The following LTBP1 variants were observed in gnomAD, a reference collection of about 807,000 sequenced individuals.
LTBP1 encodes latent-transforming growth factor beta-binding protein 1.
A neutral mutation model predicts 207.6 loss-of-function variants in LTBP1; 129 were observed. The ratio of observed to expected loss-of-function variants is 0.62; its 90% CI spans 0.54 to 0.72. The LOEUF is 0.72. Ranked by LOEUF, LTBP1 falls within the 30% of genes least tolerant of loss-of-function variation. The pLI is 0.00. For missense variants in LTBP1, 2,281 were observed against 2,217.2 expected (o/e 1.03, Z -0.58); for synonymous variants, 963 against 833.7 (o/e 1.16, Z -2.67).
At chr2:33,009,661 AG>A (rs1687401518) in intron 2 of LTBP1, among the ~76,000 whole-genome samples, 2 of 152,208 alleles carry the variant, frequency 1.3e-5, no homozygotes, top group Non-Finnish European at 2.9e-5. Flanking sequence ...TCAGATTTCC[AG>A]CCTCCAGAAC....
chr2:33,240,532 A>T (rs1352557356), intron 9 of LTBP1, among the ~76,000 whole-genome samples: 1 of 152,184 alleles, frequency 6.6e-6, no homozygotes, highest in African/African-American at 2.4e-5. Context: ...CTTAATAATT[A>T]GAAATGTCTT....
At chr2:33,317,047 T>C (rs1332407293) in intron 24 of LTBP1, among the ~76,000 whole-genome samples, 1 of 152,234 alleles carries the variant, frequency 6.6e-6, no homozygotes, top group Admixed American at 6.5e-5. Flanking sequence ...AACATAAATA[T>C]ATTCACAATT....
Position 33,280,075 on chromosome 2 carries a change from A to G in LTBP1, c.3029A>G (p.Asp1010Gly). 1 of 1,614,138 alleles carries G rather than the reference A, an allele frequency of 6.2e-7. No homozygotes were observed. The highest frequency in any genetic ancestry group is 8.5e-7 in the Non-Finnish European group (1 of 1,179,986). Residue 1010 changes from aspartate (D) to glycine (G), a missense_variant, in exon 19 of 34, where the codon GAT becomes GGT. This residue lies in a region of LTBP1 where 1,671 missense variants were observed against 1,634.8 expected (regional missense o/e 1.02). Transcript: ENST00000404816. ...TGTTTGAATCCAAGCACTTGTCCAGATGAGCAGTGTGTGAATTCTCCTGGA... is the reference window on the plus strand; with the variant it reads ...TGTTTGAATCCAAGCACTTGTCCAGGTGAGCAGTGTGTGAATTCTCCTGGA... ...DECLNPSTCP[D>G]EQCVNSPGSY...
At chr2:33,224,930 A>G (rs2091347597) in intron 9 of LTBP1, among the ~76,000 whole-genome samples, 1 of 151,800 alleles carries the variant, frequency 6.6e-6, no homozygotes, top group East Asian at 1.9e-4. Context: ...CTTTTCCTCT[A>G]CCTTTTTGTT....
At chr2:33,074,290 A>G (rs1005666096) in intron 3 of LTBP1, among the ~76,000 whole-genome samples, 4 of 152,150 alleles carry the variant, frequency 2.6e-5, no homozygotes, top group African/African-American at 9.7e-5. Context: ...AGCAATGATT[A>G]TTTTGCCACC....
chr2:33,348,968 A>G lies in LTBP1; in HGVS notation c.4000+1458A>G, dbSNP rs563344064. Among the ~76,000 whole-genome samples the G allele has an allele frequency of 5.3e-5, 8 of 152,286 alleles. No homozygotes were observed. The East Asian group carries it at 1.2e-3, about 22-fold the overall frequency. On this transcript the variant is annotated intron_variant, in intron 26 of 33. Coordinates refer to ENST00000404816, the MANE Select transcript of LTBP1 (RefSeq NM_206943.4). ...TATGGAGTCTTAAGACTGTCTTATGACAGTCTTCATTTTTAAAAAATTTTC... is the reference window on the plus strand; with the variant it reads ...TATGGAGTCTTAAGACTGTCTTATGGCAGTCTTCATTTTTAAAAAATTTTC...
chr2:32,998,285 A>G (rs1685587099), intron 2 of LTBP1, among the ~76,000 whole-genome samples: 2 of 152,074 alleles, frequency 1.3e-5, no homozygotes, highest in Non-Finnish European at 2.9e-5. Context: ...TGGGAGGCTG[A>G]GGTGGGCAGA....
In LTBP1 at chr2:33,275,821, C is replaced by T. The variant is rs987024083; in HGVS notation, c.2890C>T (p.Pro964Ser). 6 of 1,613,884 alleles carry T rather than the reference C, an allele frequency of 3.7e-6. No homozygotes were observed. Among genetic ancestry groups the T allele is most frequent in the Non-Finnish European group, 4.2e-6 (5 of 1,179,972 alleles). The change falls in exon 18 of 34, where the codon CCG becomes TCG. Residue 964 changes from proline to serine, a missense_variant. By Grantham distance (74) the Pro-to-Ser change is moderately conservative (BLOSUM62 -1). Transcript: ENST00000404816. ...CGTAGATGTTGACGAATGCCTGAGG[C>T]CGGACGTCTGTGGGGAGGGGCACTG... ...NCIDVDECLR[P>S]DVCGEGHCVN...
intron 3 of LTBP1, chr2:33,056,387 G>A: frequency 7.9e-7 from 1 of 1,261,296 alleles, no homozygotes; most frequent in Non-Finnish European, 1.0e-6. Context: ...GAATGGCCTG[G>A]ATGTTAGGCA....
At chr2:32,958,409 T>G (rs1479842642) in intron 2 of LTBP1, among the ~76,000 whole-genome samples, 2 of 152,180 alleles carry the variant, frequency 1.3e-5, no homozygotes, top group African/African-American at 2.4e-5. Context: ...TCTAAGATCC[T>G]TGGGGGCTGA....
In LTBP1 at chr2:33,259,923, ACCTGATGG is replaced by A. The variant is rs2092965727; in HGVS notation, c.2418+318_2418+325del. Among the ~76,000 whole-genome samples the A allele has an allele frequency of 5.3e-5, 8 of 152,328 alleles. 1 individual carries two copies. The highest frequency in any genetic ancestry group is 1.9e-4 in the African/African-American group (8 of 41,582). On this transcript the variant is annotated intron_variant, in intron 13 of 33. Transcript: ENST00000404816. ...AAGGGCATAAATAGAATTCAATGTC[ACCTGATGG>A]CCTGGACCATCTGTGAAAGAAAGGC... is the stretch of plus-strand genomic sequence containing the variant.
Position 32,948,946 on chromosome 2 carries a change from G to C in LTBP1, c.565+1G>C, listed in dbSNP as rs149392195. 2 of 1,614,122 alleles carry C rather than the reference G, an allele frequency of 1.2e-6. No homozygotes were observed. Among genetic ancestry groups the C allele is most frequent in the Admixed American group, 1.7e-5 (1 of 60,020 alleles). On this transcript the variant is annotated splice_donor_variant, in intron 2 of 33. Transcript: ENST00000404816. LOFTEE classifies it high-confidence loss of function. ...CCTGGCTCCCAGAGGTGCACCAAAC[G>C]TAAGTTGCCATGTTCACAGTGGCCC...
At chr2:33,248,187 C>A (rs2092570662) in intron 10 of LTBP1, among the ~76,000 whole-genome samples, 2 of 152,178 alleles carry the variant, frequency 1.3e-5, no homozygotes, top group Non-Finnish European at 2.9e-5. Flanking sequence ...TAAACAAAAA[C>A]CATGACAATA....
chr2:33,298,925 T>C (rs1573698881), intron 20 of LTBP1, among the ~76,000 whole-genome samples: 1 of 152,372 alleles, frequency 6.6e-6, no homozygotes, highest in African/African-American at 2.4e-5. Context: ...GATAACCTGA[T>C]ACTTTGCTTA....
At chr2:32,998,502 G>T (rs1466370663) in intron 2 of LTBP1, among the ~76,000 whole-genome samples, 3 of 104,818 alleles carry the variant, frequency 2.9e-5, no homozygotes, top group Non-Finnish European at 5.2e-5. Flanking sequence ...AACAGAGTGA[G>T]ACTCCATCTT....
At chr2:33,220,668 C>T (rs1251475411) in intron 8 of LTBP1, among the ~76,000 whole-genome samples, 6 of 152,176 alleles carry the variant, frequency 3.9e-5, no homozygotes, top group African/African-American at 1.4e-4. Context: ...AGTTCATATC[C>T]ATCTCTTTTG....
chr2:32,954,524 A>G lies in LTBP1; in HGVS notation c.565+5579A>G, dbSNP rs1225534903. 2.0e-5 allele frequency among the ~76,000 whole-genome samples: 3 copies of G among 150,054 alleles called. No homozygotes were observed. In the East Asian group the frequency reaches 5.8e-4, roughly 29 times the overall value. On this transcript the variant is annotated intron_variant, in intron 2 of 33. Coordinates refer to ENST00000404816, the MANE Select transcript of LTBP1 (RefSeq NM_206943.4). ...CCCTTTTTATAAGGACATCAGTCATACTGTATTAGGGCCTCCACTCCCCGC... is the reference window on the plus strand; with the variant it reads ...CCCTTTTTATAAGGACATCAGTCATGCTGTATTAGGGCCTCCACTCCCCGC...
intron 5 of LTBP1, among the ~76,000 whole-genome samples, chr2:33,137,103 T>C (rs916047319): frequency 6.6e-5 from 10 of 152,226 alleles, no homozygotes; most frequent in Non-Finnish European, 1.5e-4. Context: ...TTAAGAATGG[T>C]AATTTTATAG....
chr2:32,959,627 T>A (rs1406302586), intron 2 of LTBP1, among the ~76,000 whole-genome samples: 1 of 103,430 alleles, frequency 9.7e-6, no homozygotes, highest in African/African-American at 3.6e-5. Flanking sequence ...ATATATTTTT[T>A]TTTTTTTTTT....
Sources: gnomAD v4.1 joint callset for allele counts (sites outside exome capture counted in the v4.1 genomes callset) on GRCh38, gnomAD v4.1.1 for gene constraint, gnomAD v4.1.1 regional missense constraint, MANE v1.5 for transcripts, NCBI Gene and HGNC (gene_info 2026-07-23, HGNC 2026-07-21) for gene names.